The following MAGOH variants were observed in gnomAD, a reference collection of about 807,000 sequenced individuals.
MAGOH encodes mago homolog, exon junction complex subunit.
Under a neutral mutation model 20.9 loss-of-function variants are expected in MAGOH, and 3 were observed. The observed-to-expected ratio is 0.14, with a 90% CI of 0.07 to 0.37. The LOEUF is 0.37. Among genes scored for constraint, MAGOH ranks in the 10% least tolerant of loss-of-function variants. MAGOH has a pLI of 1.00. For synonymous variants in MAGOH, 51 were observed against 61.0 expected (o/e 0.84, Z 0.76); for missense variants, 66 against 178.1 (o/e 0.37, Z 3.58).
At chr1:53,235,928 G>A (rs749467449) in intron 1 of MAGOH, among the ~76,000 whole-genome samples, 1 of 152,204 alleles carries the variant, frequency 6.6e-6, no homozygotes, top group Non-Finnish European at 1.5e-5. Context: ...TTTTGCAGGT[G>A]AATGTCCTGA....
chr1:53,227,626 C>T (rs902442214), intron 4 of MAGOH, among the ~76,000 whole-genome samples: 7 of 152,164 alleles, frequency 4.6e-5, no homozygotes, highest in African/African-American at 1.4e-4. Context: ...CTGTAACCTC[C>T]GCCTCCCAGG....
chr1:53,226,993 A>C lies in MAGOH; in HGVS notation c.*52T>G. The C allele has an allele frequency of 1.1e-6, 1 of 936,868 alleles. No homozygotes were observed. The highest frequency in any genetic ancestry group is 1.7e-6 in the Non-Finnish European group (1 of 605,518). 58.0% of individuals were successfully genotyped at this position (936,868 alleles called of 1,614,324 possible). A position where few individuals can be genotyped will look rare whatever the true frequency, so the allele number is the denominator to read the frequency against. ...TCATAAAAAAATACTGCCCTGATAT[A>C]CACAAAATTTTCTACTCCCACCCAC... is the stretch of plus-strand genomic sequence containing the variant. On this transcript the variant is annotated 3_prime_UTR_variant, in exon 5 of 5. Transcript: ENST00000371470.
chr1:53,232,385 A>G (rs1645590334), intron 3 of MAGOH, among the ~76,000 whole-genome samples: 1 of 152,204 alleles, frequency 6.6e-6, no homozygotes, highest in Non-Finnish European at 1.5e-5. Flanking sequence ...AAGTAAGACA[A>G]TTTTAGACAA....
At chr1:53,231,210 A>G (rs1453821557) in intron 3 of MAGOH, among the ~76,000 whole-genome samples, 2 of 152,206 alleles carry the variant, frequency 1.3e-5, no homozygotes, top group African/African-American at 4.8e-5. Flanking sequence ...TTGATCTTGT[A>G]AGTTATCTAT....
At chr1:53,227,165 A>G (rs775503035) in intron 4 of MAGOH, 21 bp from the exon 5 acceptor site, 1 of 1,452,740 alleles carries the variant, frequency 6.9e-7, no homozygotes, top group Non-Finnish European at 9.4e-7. Flanking sequence ...AAAGGAAAAA[A>G]GTTTAGGCAT....
intron 4 of MAGOH, among the ~76,000 whole-genome samples, chr1:53,228,395 G>A (rs1022615476): frequency 2.0e-5 from 3 of 152,100 alleles, no homozygotes; most frequent in Non-Finnish European, 2.9e-5. Flanking sequence ...TTGCGCCACT[G>A]CACTCCAGTC....
At chr1:53,233,767 T>G (rs761819373) in intron 2 of MAGOH, 115 bp from the exon 3 acceptor site, 16 of 721,120 alleles carry the variant, frequency 2.2e-5, no homozygotes, top group Non-Finnish European at 3.2e-5. Flanking sequence ...GGCATCTCCT[T>G]AAGTGGGAAG....
rs745315166 is a variant in MAGOH at position 53,228,925 on chromosome 1, G to A, written c.288C>T (p.His96=). The change falls in exon 4 of 5, where the codon CAC becomes CAT. Residue 96 remains histidine (H), a synonymous_variant. Transcript: ENST00000371470. The part of the protein sequence containing the change: ...QELEIVIGDE[H]ISFTTSKIGS... ...CAATTTTTGATGTTGTAAAAGAAAT[G>A]TGTTCATCTCCAATGACGATTTCAA... The A allele has an allele frequency of 4.3e-6, 7 of 1,613,316 alleles. No individual in the cohort carries two copies. Among genetic ancestry groups the A allele is most frequent in the Non-Finnish European group, 5.9e-6 (7 of 1,179,328 alleles).
intron 4 of MAGOH, 132 bp downstream of exon 4, chr1:53,228,740 G>A: frequency 1.4e-6 from 1 of 692,706 alleles, no homozygotes; most frequent in Non-Finnish European, 2.5e-6. Flanking sequence ...TCCCTAACAA[G>A]AAGGACAAAG....
At chr1:53,233,827 G>A (rs941891086) in intron 2 of MAGOH, 175 bp from the exon 3 acceptor site, 32 of 555,734 alleles carry the variant, frequency 5.8e-5, no homozygotes, top group Middle Eastern at 1.0e-3. Flanking sequence ...ACGGTCAGAA[G>A]TATCCAGTAA....
rs776329982 is a variant in MAGOH at position 53,227,007 on chromosome 1, A to T, written c.*38T>A. 1 of 959,256 alleles carries T rather than the reference A, an allele frequency of 1.0e-6. No homozygotes were observed. The highest frequency in any genetic ancestry group is 2.4e-5 in the Admixed American group (1 of 42,208). The allele number at this position is 959,256 out of a possible 1,614,324, so 59.4% of individuals were successfully genotyped here. ...TGCCCTGATATACACAAAATTTTCT[A>T]CTCCCACCCACCCCCCATGTCCACA... is the stretch of plus-strand genomic sequence containing the variant. On this transcript the variant is annotated 3_prime_UTR_variant, in exon 5 of 5. Coordinates refer to ENST00000371470, the MANE Select transcript of MAGOH (RefSeq NM_002370.4).
Position 53,226,939 on chromosome 1 carries a change from C to A in MAGOH, c.*106G>T. 1 of 635,102 alleles carries A rather than the reference C, an allele frequency of 1.6e-6. No homozygotes were observed. The highest frequency in any genetic ancestry group is 2.0e-5 in the South Asian group (1 of 49,424). The allele number at this position is 635,102 out of a possible 1,614,324, so 39.3% of individuals were successfully genotyped here. A position where few individuals can be genotyped will look rare whatever the true frequency, so the allele number is the denominator to read the frequency against. Reference sequence around the variant, plus strand: ...AAATAATAAAAATTGGATTTTATCACATATTTATTAAAGACAATCATTTAT... The same window carrying A: ...AAATAATAAAAATTGGATTTTATCAAATATTTATTAAAGACAATCATTTAT... On this transcript the variant is annotated 3_prime_UTR_variant, in exon 5 of 5. Coordinates refer to ENST00000371470, the MANE Select transcript of MAGOH (RefSeq NM_002370.4).
chr1:53,230,643 G>C (rs1351503322), intron 3 of MAGOH, among the ~76,000 whole-genome samples: 1 of 151,436 alleles, frequency 6.6e-6, no homozygotes, highest in Admixed American at 6.6e-5. Context: ...GCTCAGGCTG[G>C]TCTTGAGCTC....
chr1:53,231,910 A>G (rs1000095689), intron 3 of MAGOH, among the ~76,000 whole-genome samples: 2 of 152,220 alleles, frequency 1.3e-5, no homozygotes, highest in Admixed American at 6.5e-5. Flanking sequence ...AAAACGATAC[A>G]TATTTTTGTC....
intron 1 of MAGOH, among the ~76,000 whole-genome samples, chr1:53,237,299 C>T (rs1557729504): frequency 6.6e-6 from 1 of 151,816 alleles, no homozygotes; most frequent in Non-Finnish European, 1.5e-5. Context: ...AATCAATAGC[C>T]CTGTTTCCAC....
chr1:53,235,946 C>T (rs974308597), intron 1 of MAGOH, among the ~76,000 whole-genome samples: 17 of 152,176 alleles, frequency 1.1e-4, no homozygotes, highest in Admixed American at 2.0e-4. Context: ...TGAAAACAGG[C>T]CTAGTAACTG....
intron 1 of MAGOH, among the ~76,000 whole-genome samples, chr1:53,236,166 G>A (rs577746844): frequency 2.3e-4 from 35 of 152,298 alleles, no homozygotes; most frequent in African/African-American, 8.4e-4. Context: ...GTGGGGATGA[G>A]GAGAAGACAG....
chr1:53,238,258 C>T (rs1409008728), intron 1 of MAGOH, 103 bp downstream of exon 1: 6 of 1,017,072 alleles, frequency 5.9e-6, no homozygotes, highest in Middle Eastern at 2.0e-4. Flanking sequence ...AGGTCTCAGT[C>T]CCTCCCTCCT....
Position 53,228,918 on chromosome 1 carries a change from A to G in MAGOH, c.295T>C (p.Phe99Leu). ...EIVIGDEHIS[F>L]TTSKIGSLID... ...AGGGAACCAATTTTTGATGTTGTAA[A>G]AGAAATGTGTTCATCTCCAATGACG... Residue 99 changes from phenylalanine to leucine, a missense_variant, in exon 4 of 5, where the codon TTT becomes CTT. Transcript: ENST00000371470. 6.2e-7 allele frequency: 1 copy of G among 1,613,570 alleles called. No homozygotes were observed. Among genetic ancestry groups the G allele is most frequent in the Non-Finnish European group, 8.5e-7 (1 of 1,179,530 alleles).
Sources: allele counts gnomAD v4.1 joint callset (sites outside exome capture counted in the v4.1 genomes callset), GRCh38; gene constraint gnomAD v4.1.1; transcripts MANE v1.5; gene names NCBI Gene and HGNC (gene_info 2026-07-23, HGNC 2026-07-21).